Variants in MKLN1 observed in about 807,000 individuals in gnomAD.
The protein encoded by MKLN1 is muskelin.
A neutral mutation model predicts 99.0 loss-of-function variants in MKLN1; 18 were observed. The observed-to-expected ratio is 0.18, with a 90% confidence interval of 0.13 to 0.27. MKLN1 has a LOEUF of 0.27. Ranked by LOEUF, MKLN1 falls within the 10% of genes least tolerant of loss-of-function variation. The pLI is 1.00. For synonymous variants in MKLN1, 288 were observed against 293.2 expected (o/e 0.98, Z 0.18); for missense variants, 621 against 875.9 (o/e 0.71, Z 3.67).
At chr7:131,141,020 G>A (rs181511024) in intron 1 of MKLN1, among the ~76,000 whole-genome samples, 3 of 152,212 alleles carry the variant, frequency 2.0e-5, no homozygotes, top group Non-Finnish European at 2.9e-5. Context: ...TCCTGATCTC[G>A]TGATCCACCC....
chr7:131,266,922 C>T (rs1040929943), intron 3 of MKLN1, among the ~76,000 whole-genome samples: 1 of 151,904 alleles, frequency 6.6e-6, no homozygotes, highest in Non-Finnish European at 1.5e-5. Flanking sequence ...GAAGATCACA[C>T]AAGCTTAGTT....
chr7:131,376,146 T>TGTAC, intron 2 of MKLN1, among the ~76,000 whole-genome samples: 2 of 103,956 alleles, frequency 1.9e-5, no homozygotes, highest in Non-Finnish European at 4.3e-5. Flanking sequence ...GTATGATGTA[T>TGTAC]GTATTTTTTT....
intron 1 of MKLN1, among the ~76,000 whole-genome samples, chr7:131,342,331 C>G (rs1799432453): frequency 6.6e-6 from 1 of 152,056 alleles, no homozygotes; most frequent in South Asian, 2.1e-4. Flanking sequence ...CCTTATTTTT[C>G]TTGAGAATAC....
intron 2 of MKLN1, among the ~76,000 whole-genome samples, chr7:131,155,742 G>A (rs998014313): frequency 1.3e-5 from 2 of 152,078 alleles, no homozygotes; most frequent in African/African-American, 2.4e-5. Context: ...TTTAGAAAAC[G>A]AAGACAAAGG....
At chr7:131,415,281 A>G (rs1794984979) in intron 8 of MKLN1, among the ~76,000 whole-genome samples, 1 of 152,024 alleles carries the variant, frequency 6.6e-6, no homozygotes, top group Non-Finnish European at 1.5e-5. Context: ...AATACCAATA[A>G]TCTACCATAG....
intron 3 of MKLN1, among the ~76,000 whole-genome samples, chr7:131,321,905 C>A (rs1355554040): frequency 1.3e-5 from 2 of 152,222 alleles, no homozygotes. Flanking sequence ...AGCTTCTCAG[C>A]TGGTTACTCA....
intron 3 of MKLN1, among the ~76,000 whole-genome samples, chr7:131,250,708 C>T (rs1168871970): frequency 1.3e-5 from 2 of 152,126 alleles, no homozygotes; most frequent in African/African-American, 4.8e-5. Context: ...TAGATTAAGT[C>T]TAACAATTGA....
intron 3 of MKLN1, among the ~76,000 whole-genome samples, chr7:131,206,622 CAT>C (rs1203583092): frequency 6.6e-6 from 1 of 151,358 alleles, no homozygotes; most frequent in African/African-American, 2.4e-5. Context: ...GTGTCAAAAT[CAT>C]AGCTCACTGC....
At chr7:131,451,074 T>A (rs747742297) in intron 12 of MKLN1, among the ~76,000 whole-genome samples, 2 of 152,226 alleles carry the variant, frequency 1.3e-5, no homozygotes, top group Non-Finnish European at 2.9e-5. Flanking sequence ...ACCTCACTTT[T>A]AAAAAGTACA....
chr7:131,201,776 T>G (rs879337895), intron 2 of MKLN1, among the ~76,000 whole-genome samples: 34 of 152,240 alleles, frequency 2.2e-4, no homozygotes, highest in Admixed American at 1.2e-3. Context: ...TTTTAGCTTC[T>G]GACAAATGAG....
intron 14 of MKLN1, among the ~76,000 whole-genome samples, chr7:131,465,694 A>G (rs917334210): frequency 1.3e-5 from 2 of 151,930 alleles, no homozygotes. Context: ...GCCCGCCACC[A>G]CGCCCGGCTA....
At chr7:131,182,337 A>G (rs1796388411) in intron 2 of MKLN1, among the ~76,000 whole-genome samples, 1 of 152,234 alleles carries the variant, frequency 6.6e-6, no homozygotes, top group Admixed American at 6.5e-5. Flanking sequence ...CTTCAGTAAG[A>G]GAAGACAATG....
chr7:131,111,198 G>A (rs545636661), intron 1 of MKLN1, among the ~76,000 whole-genome samples: 2 of 152,264 alleles, frequency 1.3e-5, no homozygotes, highest in East Asian at 3.9e-4. Context: ...GCTAATGACT[G>A]TCTCAAAAGC....
At chr7:131,333,859 TA>T (rs1799171339) in intron 1 of MKLN1, among the ~76,000 whole-genome samples, 3 of 152,246 alleles carry the variant, frequency 2.0e-5, no homozygotes, top group African/African-American at 7.2e-5. Flanking sequence ...TCATTGGTGA[TA>T]AATTCCTAGA....
At chr7:131,280,121 A>G (rs979307054) in intron 3 of MKLN1, among the ~76,000 whole-genome samples, 1 of 152,180 alleles carries the variant, frequency 6.6e-6, no homozygotes, top group Non-Finnish European at 1.5e-5. Context: ...TCCATGTTGT[A>G]GCATCTATCA....
chr7:131,131,400 G>A (rs1795549543), intron 1 of MKLN1, among the ~76,000 whole-genome samples: 1 of 152,064 alleles, frequency 6.6e-6, no homozygotes, highest in African/African-American at 2.4e-5. Flanking sequence ...AGATTAATAG[G>A]ACATTGCTTA....
chr7:131,238,847 A>G (rs1409291593), intron 3 of MKLN1, among the ~76,000 whole-genome samples: 1 of 152,228 alleles, frequency 6.6e-6, no homozygotes, highest in Non-Finnish European at 1.5e-5. Context: ...ACAGACAGGG[A>G]GAGAACATGG....
intron 12 of MKLN1, among the ~76,000 whole-genome samples, chr7:131,446,113 T>C (rs1351801798): frequency 2.0e-5 from 3 of 152,204 alleles, no homozygotes; most frequent in Non-Finnish European, 4.4e-5. Context: ...GCAGAAAATA[T>C]GTGAATTTCT....
chr7:131,278,947 C>G (rs1333828104), intron 3 of MKLN1, among the ~76,000 whole-genome samples: 1 of 152,122 alleles, frequency 6.6e-6, no homozygotes, highest in Non-Finnish European at 1.5e-5. Context: ...TAAACCAATC[C>G]TCTGGACTAA....
Sources: allele counts gnomAD v4.1 joint callset (sites outside exome capture counted in the v4.1 genomes callset), GRCh38; gene constraint gnomAD v4.1.1; transcripts MANE v1.5; gene names NCBI Gene and HGNC (gene_info 2026-07-23, HGNC 2026-07-21).